CTTNBP2: variants seen among roughly 807,000 people sequenced by gnomAD.
CTTNBP2 encodes cortactin-binding protein 2.
A neutral mutation model predicts 156.9 loss-of-function variants in CTTNBP2; 108 were observed. That is an observed-to-expected ratio of 0.69 (90% CI 0.59 to 0.81). The LOEUF (loss-of-function observed/expected upper bound fraction) is 0.81, where lower values mean the gene tolerates loss of function less well. Among genes scored for constraint, CTTNBP2 ranks in the 30% least tolerant of loss-of-function variants. The probability of loss-of-function intolerance (pLI) is 0.00; values close to 1 mark genes in which losing one functional copy is unlikely to be tolerated. For synonymous variants in CTTNBP2, 767 were observed against 751.8 expected (o/e 1.02, Z -0.33); for missense variants, 1,924 against 2,035.4 (o/e 0.95, Z 1.05).
intron 4 of CTTNBP2, among the ~76,000 whole-genome samples, chr7:117,785,443 C>T (rs113312420): frequency 4.7e-4 from 72 of 152,212 alleles, no homozygotes; most frequent in African/African-American, 1.6e-3. Context: ...AGACATTTTC[C>T]GCTTTTTCCT....
At chr7:117,713,165 A>G (rs1463504537) in intron 22 of CTTNBP2, among the ~76,000 whole-genome samples, 7 of 152,216 alleles carry the variant, frequency 4.6e-5, no homozygotes, top group Non-Finnish European at 8.8e-5. Flanking sequence ...GTCCGTGGAA[A>G]AATTGTCTTC....
intron 19 of CTTNBP2, among the ~76,000 whole-genome samples, chr7:117,723,595 CTTA>C (rs1213563587): frequency 1.3e-5 from 2 of 152,080 alleles, no homozygotes; most frequent in Non-Finnish European, 2.9e-5. Flanking sequence ...AGCTGATTAT[CTTA>C]TTATCAATGC....
intron 2 of CTTNBP2, among the ~76,000 whole-genome samples, chr7:117,852,232 A>G (rs77061109): frequency 0.021 from 3,172 of 152,160 alleles, 53 homozygotes; most frequent in Non-Finnish European, 0.031. Flanking sequence ...CCTTTCATGG[A>G]AACCAAACCA....
chr7:117,829,589 G>A (rs367583218), intron 2 of CTTNBP2, among the ~76,000 whole-genome samples: 2 of 152,218 alleles, frequency 1.3e-5, no homozygotes, highest in Admixed American at 6.5e-5. Context: ...TAGGAATGAG[G>A]GATCCACATA....
intron 14 of CTTNBP2, among the ~76,000 whole-genome samples, chr7:117,745,107 A>T (rs529479897): frequency 1.3e-5 from 2 of 152,318 alleles, no homozygotes; most frequent in Admixed American, 1.3e-4. Flanking sequence ...GGGTTATGCT[A>T]ATTCCACCTG....
chr7:117,747,599 C>T (rs1796403123), intron 12 of CTTNBP2, among the ~76,000 whole-genome samples: 1 of 152,080 alleles, frequency 6.6e-6, no homozygotes, highest in Admixed American at 6.6e-5. Flanking sequence ...ACGGTGAAAC[C>T]CCATCTCCAC....
In CTTNBP2 at chr7:117,731,295, T is replaced by C. The variant is rs764815238; in HGVS notation, c.3877-3028A>G. Among the ~76,000 whole-genome samples, 37 of 152,348 alleles carry C rather than the reference T, an allele frequency of 2.4e-4. 1 individual carries two copies. The highest frequency in any genetic ancestry group is 4.6e-4 in the Non-Finnish European group (31 of 68,030). Reference sequence around the variant, plus strand: ...TTTATACACAGAAAGATAAAGCTTATACAATTAACTTAAAAGCCTGAGGGA... The same window carrying C: ...TTTATACACAGAAAGATAAAGCTTACACAATTAACTTAAAAGCCTGAGGGA... On this transcript the variant is annotated intron_variant, in intron 16 of 22. Coordinates refer to ENST00000160373, the MANE Select transcript of CTTNBP2 (RefSeq NM_033427.3).
At chr7:117,831,333 T>A (rs1049743668) in intron 2 of CTTNBP2, among the ~76,000 whole-genome samples, 3 of 152,152 alleles carry the variant, frequency 2.0e-5, no homozygotes, top group Non-Finnish European at 4.4e-5. Context: ...CAAGCACTTT[T>A]TCTCTCCATC....
At chr7:117,871,700 A>G (rs963233810) in intron 1 of CTTNBP2, 2 of 166,456 alleles carry the variant, frequency 1.2e-5, no homozygotes, top group African/African-American at 4.8e-5. Flanking sequence ...GTTTGGGTTA[A>G]TTGTCAGGTG....
chr7:117,830,216 A>C (rs955827668), intron 2 of CTTNBP2, among the ~76,000 whole-genome samples: 1 of 152,346 alleles, frequency 6.6e-6, no homozygotes, highest in South Asian at 2.1e-4. Context: ...TAGATTTTTA[A>C]AATACATGCA....
chr7:117,767,135 T>C lies in CTTNBP2; in HGVS notation c.2820A>G (p.Pro940=). 1.2e-6 allele frequency: 2 copies of C among 1,612,896 alleles called. No individual in the cohort carries two copies. The highest frequency in any genetic ancestry group is 1.7e-6 in the Non-Finnish European group (2 of 1,178,966). Residue 940 remains proline, a synonymous_variant, in exon 9 of 23, where the codon CCA becomes CCG. Transcript: ENST00000160373. ...TCCGATTGCACTTGTCTCTCCTTTC[T>C]GGCTCAAGCCCTCCGTGCCTACACA... ...EILCRHGGLE[P]ERRDKCNRTV...
chr7:117,797,583 C>A (rs1030639364), intron 3 of CTTNBP2, among the ~76,000 whole-genome samples: 1 of 152,026 alleles, frequency 6.6e-6, no homozygotes, highest in Non-Finnish European at 1.5e-5. Context: ...GAAGGGGAAT[C>A]CTGGCATACA....
At chr7:117,767,015 C>T in intron 9 of CTTNBP2, 44 bp downstream of exon 9, 2 of 1,057,806 alleles carry the variant, frequency 1.9e-6, no homozygotes, top group Non-Finnish European at 3.0e-6. Flanking sequence ...GAGGCCCCAG[C>T]AGCATAGGGG....
rs1390605918 is a variant in CTTNBP2, at chr7:117,760,627, T to A, written c.2980A>T (p.Thr994Ser). Residue 994 changes from threonine (T) to serine (S), a missense_variant, in exon 10 of 23, where the codon ACA becomes TCA. Thr to Ser is a moderately conservative substitution (Grantham distance 58). Coordinates refer to ENST00000160373, the MANE Select transcript of CTTNBP2 (RefSeq NM_033427.3). ...YGSDDLECEN[T>S]ICALNIRKQT... ...TTGCGGATATTTAAAGCACATATTG[T>A]GTTTTCACATTCCAAGTCATCAGAA... is the stretch of plus-strand genomic sequence containing the variant. The A allele has an allele frequency of 3.7e-6, 6 of 1,614,032 alleles. No homozygotes were observed. Among genetic ancestry groups the A allele is most frequent in the Non-Finnish European group, 5.1e-6 (6 of 1,179,924 alleles).
intron 1 of CTTNBP2, chr7:117,871,658 T>G (rs1437912526): frequency 6.0e-6 from 1 of 166,986 alleles, no homozygotes; most frequent in Admixed American, 6.5e-5. Context: ...AAACTATATA[T>G]CAGCTCTACA....
At chr7:117,777,852 T>G in intron 7 of CTTNBP2, 87 bp from the exon 8 acceptor site, 1 of 1,319,748 alleles carries the variant, frequency 7.6e-7, no homozygotes, top group Non-Finnish European at 1.1e-6. Flanking sequence ...CTAAATGTTC[T>G]TGGGCATGGA....
At chr7:117,769,720 A>G (rs1175213071) in intron 8 of CTTNBP2, among the ~76,000 whole-genome samples, 1 of 152,236 alleles carries the variant, frequency 6.6e-6, no homozygotes, top group Non-Finnish European at 1.5e-5. Flanking sequence ...TTGATTTAGA[A>G]ATGAACTCTA....
At chr7:117,816,547 G>T (rs1010618206) in intron 2 of CTTNBP2, among the ~76,000 whole-genome samples, 1 of 151,990 alleles carries the variant, frequency 6.6e-6, no homozygotes, top group Non-Finnish European at 1.5e-5. Flanking sequence ...TCTTCTTCTT[G>T]TGCTCATGTC....
intron 2 of CTTNBP2, among the ~76,000 whole-genome samples, chr7:117,832,078 C>T (rs1446928279): frequency 6.6e-6 from 1 of 152,088 alleles, no homozygotes; most frequent in Non-Finnish European, 1.5e-5. Flanking sequence ...TTCATCTTTC[C>T]CACCCCACAC....
Sources: allele counts gnomAD v4.1 joint callset (sites outside exome capture counted in the v4.1 genomes callset), GRCh38; gene constraint gnomAD v4.1.1; transcripts MANE v1.5; gene names NCBI Gene and HGNC (gene_info 2026-07-23, HGNC 2026-07-21).